PUM1: variants seen among roughly 807,000 people sequenced by gnomAD.
The protein encoded by PUM1 is pumilio homolog 1.
Under a neutral mutation model 131.8 loss-of-function variants are expected in PUM1, and 13 were observed. The observed-to-expected ratio is 0.10, with a 90% CI of 0.06 to 0.16. The LOEUF is 0.16. Ranked by LOEUF, PUM1 falls within the 10% of genes least tolerant of loss-of-function variation. PUM1 has a pLI of 1.00. For synonymous variants in PUM1, 509 were observed against 556.5 expected, an observed-to-expected ratio of 0.91 and a Z score of 1.20; for missense variants, 961 against 1,512.4, an observed-to-expected ratio of 0.64 and a Z score of 6.05.
intron 20 of PUM1, among the ~76,000 whole-genome samples, chr1:30,940,628 T>C (rs1048565795): frequency 1.3e-5 from 2 of 152,214 alleles, no homozygotes; most frequent in African/African-American, 4.8e-5. Context: ...CAGAAGACTA[T>C]ACCACTATCC....
chr1:31,015,074 G>A (rs1165513628), intron 3 of PUM1, among the ~76,000 whole-genome samples: 1 of 152,144 alleles, frequency 6.6e-6, no homozygotes, highest in Non-Finnish European at 1.5e-5. Flanking sequence ...AATTTTAAAA[G>A]TAAAATACAA....
Position 30,974,783 on chromosome 1 carries a change from G to T in PUM1, c.1374C>A (p.His458Gln). The change falls in exon 10 of 22, where the codon CAC (histidine) becomes CAA (glutamine). Residue 458 changes from histidine (H) to glutamine (Q), a missense_variant. Around this residue, in one of 4 missense-constraint regions of PUM1, gnomAD observed 654 missense variants for 923.9 expected, o/e 0.71. Transcript: ENST00000426105. ...AATLGPAVVP[H>Q]QYYGVTPWGV... ...CCCAGGGAGTAACTCCATAATACTG[G>T]TGAGGGACCACAGCTGGGCCTAAAA... 1 of 1,611,604 alleles carries T rather than the reference G, an allele frequency of 6.2e-7. No individual in the cohort carries two copies. The highest frequency in any genetic ancestry group is 8.5e-7 in the Non-Finnish European group (1 of 1,179,032).
intron 5 of PUM1, among the ~76,000 whole-genome samples, chr1:31,001,053 G>C (rs989874271): frequency 2.6e-5 from 4 of 151,926 alleles, no homozygotes; most frequent in Non-Finnish European, 5.9e-5. Flanking sequence ...TGGGCATGGT[G>C]GTGGGCGCCT....
chr1:31,046,697 C>A (rs1180814572), intron 2 of PUM1, among the ~76,000 whole-genome samples: 1 of 151,796 alleles, frequency 6.6e-6, no homozygotes, highest in Non-Finnish European at 1.5e-5. Flanking sequence ...GTCTCGAACT[C>A]CTAACCTCGT....
chr1:30,990,108 C>G (rs183597627), intron 7 of PUM1, among the ~76,000 whole-genome samples: 1 of 152,316 alleles, frequency 6.6e-6, no homozygotes, highest in Admixed American at 6.5e-5. Flanking sequence ...AGAGTAGCCT[C>G]CAGACCTCCT....
intron 21 of PUM1, among the ~76,000 whole-genome samples, chr1:30,935,501 G>A (rs1480645446): frequency 1.3e-5 from 2 of 152,148 alleles, no homozygotes; most frequent in Non-Finnish European, 2.9e-5. Context: ...GTTTAGCACT[G>A]AATGAATGAA....
At position 30,992,403 on chromosome 1, in the gene PUM1, T is replaced by A; in HGVS notation, c.1145A>T (p.Asn382Ile). The change falls in exon 7 of 22, where the codon AAT becomes ATT. Residue 382 changes from asparagine (N) to isoleucine (I), a missense_variant. Transcript: ENST00000426105. The stretch of plus-strand genomic sequence containing the variant: ...CACACACAGTACCTGTTGTTGAGAA[T>A]TGTAGTCAAAAAGTCCCACAGTTGC... ...AAATVGLFDY[N>I]SQQQLFQRPN... The A allele has an allele frequency of 1.9e-6, 3 of 1,613,936 alleles. No individual in the cohort carries two copies. Among genetic ancestry groups the A allele is most frequent in the Non-Finnish European group, 2.5e-6 (3 of 1,179,952 alleles).
At chr1:31,038,150 G>A (rs906586136) in intron 2 of PUM1, among the ~76,000 whole-genome samples, 1 of 151,778 alleles carries the variant, frequency 6.6e-6, no homozygotes, top group East Asian at 1.9e-4. Context: ...GGCCAAATGG[G>A]TGGATACCTT....
At chr1:30,933,453 C>T (rs554827281) in intron 21 of PUM1, 111 bp from the exon 22 acceptor site, 32 of 729,924 alleles carry the variant, frequency 4.4e-5, no homozygotes, top group African/African-American at 3.7e-4. Flanking sequence ...CACACACACA[C>T]ACACACACAC....
chr1:30,997,679 C>A (rs1642032277), intron 5 of PUM1, among the ~76,000 whole-genome samples: 1 of 152,096 alleles, frequency 6.6e-6, no homozygotes, highest in Non-Finnish European at 1.5e-5. Flanking sequence ...CTTCTACATG[C>A]TGACTGGCCT....
At chr1:30,987,358 G>A (rs1165608573) in intron 7 of PUM1, among the ~76,000 whole-genome samples, 2 of 151,888 alleles carry the variant, frequency 1.3e-5, no homozygotes, top group Admixed American at 6.6e-5. Flanking sequence ...TACCACGCCC[G>A]GCTAATTTTT....
intron 2 of PUM1, among the ~76,000 whole-genome samples, chr1:31,035,213 A>T (rs1643568116): frequency 1.3e-5 from 2 of 151,830 alleles, no homozygotes; most frequent in Admixed American, 1.3e-4. Flanking sequence ...GCAACATGAG[A>T]AAAATCCTGT....
At chr1:31,052,178 A>C (rs10914256) in intron 2 of PUM1, among the ~76,000 whole-genome samples, 44,956 of 151,352 alleles carry the variant, frequency 0.3, 7,020 homozygotes, top group Non-Finnish European at 0.34. Flanking sequence ...ACACCCGGCT[A>C]ATTTTTCATA....
At chr1:30,958,985 TAAAATAGTA>T (rs1640291965) in intron 14 of PUM1, among the ~76,000 whole-genome samples, 1 of 152,178 alleles carries the variant, frequency 6.6e-6, no homozygotes, top group African/African-American at 2.4e-5. Context: ...TTTCACTTAT[TAAAATAGTA>T]CATTTTATGC....
At chr1:30,968,056 G>T in intron 11 of PUM1, 1 of 450,988 alleles carries the variant, frequency 2.2e-6, no homozygotes, top group Non-Finnish European at 4.3e-6. Flanking sequence ...AACTAGCTTG[G>T]CCACTCCATC....
At chr1:31,006,152 T>C in intron 4 of PUM1, 121 bp from the exon 5 acceptor site, 1 of 698,232 alleles carries the variant, frequency 1.4e-6, no homozygotes, top group Non-Finnish European at 2.3e-6. Context: ...AGCCAAAACC[T>C]CCTATCATGT....
At chr1:31,024,966 TAAA>T (rs770377845) in intron 3 of PUM1, among the ~76,000 whole-genome samples, 113 of 152,310 alleles carry the variant, frequency 7.4e-4, no homozygotes, top group Non-Finnish European at 1.2e-3. Context: ...CATATATAAA[TAAA>T]AGCTGCTAAA....
chr1:31,041,024 C>T (rs894859373), intron 2 of PUM1, among the ~76,000 whole-genome samples: 1 of 152,128 alleles, frequency 6.6e-6, no homozygotes, highest in Non-Finnish European at 1.5e-5. Context: ...AGGCAAGAAA[C>T]ATGAGCCTAT....
chr1:31,020,854 G>C (rs1365325325), intron 3 of PUM1, among the ~76,000 whole-genome samples: 1 of 152,156 alleles, frequency 6.6e-6, no homozygotes, highest in Non-Finnish European at 1.5e-5. Flanking sequence ...ACCACATCAT[G>C]CACCAATTAA....
Sources: allele counts gnomAD v4.1 joint callset (sites outside exome capture counted in the v4.1 genomes callset), GRCh38; gene constraint gnomAD v4.1.1; regional missense constraint gnomAD v4.1.1; transcripts MANE v1.5; gene names NCBI Gene and HGNC (gene_info 2026-07-23, HGNC 2026-07-21).